NELL1: variants seen among roughly 807,000 people sequenced by gnomAD.
NELL1 encodes protein kinase C-binding protein NELL1.
Under a neutral mutation model 107.4 loss-of-function variants are expected in NELL1, and 76 were observed. The observed-to-expected ratio is 0.71, with a 90% CI of 0.59 to 0.86. NELL1 has a LOEUF of 0.86. NELL1 is among the 40% of genes least tolerant of loss of function. The pLI is 0.00. For synonymous variants in NELL1, 353 were observed against 341.2 expected, an observed-to-expected ratio of 1.03 and a Z score of -0.38; for missense variants, 1,024 against 1,005.5, an observed-to-expected ratio of 1.02 and a Z score of -0.25.
intron 2 of NELL1, among the ~76,000 whole-genome samples, chr11:20,731,417 A>AG (rs1480651979): frequency 1.3e-5 from 2 of 149,378 alleles, no homozygotes; most frequent in African/African-American, 2.4e-5. Flanking sequence ...CTAGCAATAA[A>AG]GAACTGGAGC....
chr11:20,880,374 A>G (rs541949861), intron 4 of NELL1, among the ~76,000 whole-genome samples: 1 of 152,334 alleles, frequency 6.6e-6, no homozygotes, highest in East Asian at 1.9e-4. Flanking sequence ...ACTAAGTGCC[A>G]AGGGCATGTA....
At chr11:21,011,054 A>ACAGACATTTTCTAGCTTTATTTC (rs1436587492) in intron 12 of NELL1, among the ~76,000 whole-genome samples, 5 of 152,134 alleles carry the variant, frequency 3.3e-5, no homozygotes, top group Non-Finnish European at 5.9e-5. Flanking sequence ...TCAAACATTT[A>ACAGACATTTTCTAGCTTTATTTC]CAGACATTTT....
intron 14 of NELL1, among the ~76,000 whole-genome samples, chr11:21,277,186 TCAAA>T (rs1171329836): frequency 2.0e-5 from 3 of 151,888 alleles, no homozygotes; most frequent in Non-Finnish European, 4.4e-5. Flanking sequence ...TACAATGAAC[TCAAA>T]CAAATCTACA....
intron 15 of NELL1, among the ~76,000 whole-genome samples, chr11:21,502,148 A>G (rs947543149): frequency 1.3e-5 from 2 of 152,178 alleles, no homozygotes; most frequent in Admixed American, 6.5e-5. Flanking sequence ...GAGGTAAAAG[A>G]TTGTATGATT....
chr11:20,825,183 GCACA>G lies in NELL1; in HGVS notation c.336-22399_336-22396del, dbSNP rs1328430124. 2.6e-5 allele frequency among the ~76,000 whole-genome samples: 4 copies of G among 151,354 alleles called. No homozygotes were observed. In the Admixed American group the frequency reaches 2.7e-4, roughly 10 times the overall value. Reference sequence around the variant, plus strand: ...TGTATGGCAATGCCTGCTTATCCAAGCACAGTTTGCTGTACGGACAAAACTCTCA... The same window carrying G: ...TGTATGGCAATGCCTGCTTATCCAAGGTTTGCTGTACGGACAAAACTCTCA... On this transcript the variant is annotated intron_variant, in intron 3 of 19. Transcript: ENST00000357134.
At chr11:20,714,474 C>A (rs1855192382) in intron 2 of NELL1, among the ~76,000 whole-genome samples, 1 of 151,858 alleles carries the variant, frequency 6.6e-6, no homozygotes, top group South Asian at 2.1e-4. Context: ...TCCCTAAGTG[C>A]TGGGATTACA....
intron 14 of NELL1, among the ~76,000 whole-genome samples, chr11:21,279,406 C>G (rs1284563678): frequency 6.6e-6 from 1 of 152,160 alleles, no homozygotes; most frequent in Admixed American, 6.6e-5. Context: ...ACAAAGAACT[C>G]TTTAAACTGA....
chr11:20,829,376 G>A (rs187850888), intron 3 of NELL1, among the ~76,000 whole-genome samples: 73 of 151,904 alleles, frequency 4.8e-4, no homozygotes, highest in Admixed American at 1.7e-3. Context: ...ACAGGCACCC[G>A]CCACCACACC....
chr11:21,360,511 T>C (rs1851051537), intron 14 of NELL1, among the ~76,000 whole-genome samples: 1 of 152,184 alleles, frequency 6.6e-6, no homozygotes, highest in African/African-American at 2.4e-5. Flanking sequence ...GTCCATTTGT[T>C]CTAGGGTATA....
At chr11:20,708,497 GT>G (rs1828499345) in intron 2 of NELL1, among the ~76,000 whole-genome samples, 1 of 151,992 alleles carries the variant, frequency 6.6e-6, no homozygotes, top group African/African-American at 2.4e-5. Context: ...TTTTTTTAAT[GT>G]TTTTTGGCCA....
At chr11:20,787,772 C>T (rs1239445557) in intron 3 of NELL1, among the ~76,000 whole-genome samples, 1 of 152,138 alleles carries the variant, frequency 6.6e-6, no homozygotes, top group Non-Finnish European at 1.5e-5. Context: ...AGTATAATCA[C>T]AGAATTGTGC....
At chr11:21,459,934 C>T (rs1278501587) in intron 15 of NELL1, among the ~76,000 whole-genome samples, 3 of 151,990 alleles carry the variant, frequency 2.0e-5, no homozygotes, top group African/African-American at 7.2e-5. Context: ...GAAGGATTTT[C>T]TTGGAGAAGA....
Position 20,892,946 on chromosome 11 carries a change from AAC to A in NELL1, c.603+7408_603+7409del, listed in dbSNP as rs1221777624. Among the ~76,000 whole-genome samples, 657 of 150,818 alleles carry A rather than the reference AAC, an allele frequency of 4.4e-3. 5 individuals carry two copies. The highest frequency in any genetic ancestry group is 0.015 in the African/African-American group (623 of 40,354). On this transcript the variant is annotated intron_variant, in intron 5 of 19. Transcript: ENST00000357134. Reference sequence around the variant, plus strand: ...TGTGTCTCAAAAAAAAAAAAAAAAAAACAGACACATGTACATGTATGTTTATT... The same window carrying A: ...TGTGTCTCAAAAAAAAAAAAAAAAAAAGACACATGTACATGTATGTTTATT...
chr11:21,172,705 G>A (rs7948578), intron 13 of NELL1, among the ~76,000 whole-genome samples: 68,716 of 151,296 alleles, frequency 0.45, 16,129 homozygotes, highest in Middle Eastern at 0.5. Context: ...AGTATTTACC[G>A]TATGCCACAC....
chr11:21,450,794 T>C (rs978310965), intron 15 of NELL1, among the ~76,000 whole-genome samples: 7 of 152,096 alleles, frequency 4.6e-5, no homozygotes, highest in African/African-American at 1.7e-4. Context: ...AGTCCCTTTC[T>C]TAACATTAAT....
In NELL1 at chr11:20,857,200, C is replaced by T. The variant is rs550825846; in HGVS notation, c.506+9447C>T. 2.8e-4 allele frequency among the ~76,000 whole-genome samples: 42 copies of T among 152,190 alleles called. 1 individual carries two copies. The South Asian group carries it at 7.7e-3, about 28-fold the overall frequency. Reference sequence around the variant, plus strand: ...GGGAATGCAGCTGTAAGCATGGGAGCGGCAGGAGCTGCAGAACCAGAGCAG... The same window carrying T: ...GGGAATGCAGCTGTAAGCATGGGAGTGGCAGGAGCTGCAGAACCAGAGCAG... On this transcript the variant is annotated intron_variant, in intron 4 of 19. Coordinates refer to ENST00000357134, the MANE Select transcript of NELL1 (RefSeq NM_006157.5).
At chr11:20,887,965 AT>A (rs1399048036) in intron 5 of NELL1, among the ~76,000 whole-genome samples, 7 of 151,822 alleles carry the variant, frequency 4.6e-5, no homozygotes, top group Admixed American at 2.0e-4. Context: ...CAGGTAAAGA[AT>A]TTTTTTTTAA....
At chr11:21,093,120 G>T (rs1854558930) in intron 12 of NELL1, among the ~76,000 whole-genome samples, 1 of 152,002 alleles carries the variant, frequency 6.6e-6, no homozygotes, top group Admixed American at 6.5e-5. Context: ...GATTTCTTTG[G>T]TGTAAATATT....
At chr11:21,067,270 A>T (rs1195090877) in intron 12 of NELL1, among the ~76,000 whole-genome samples, 1 of 152,210 alleles carries the variant, frequency 6.6e-6, no homozygotes, top group Non-Finnish European at 1.5e-5. Flanking sequence ...AAAGGAAATG[A>T]TTAGGAGAAA....
Sources: gnomAD v4.1 joint callset for allele counts (sites outside exome capture counted in the v4.1 genomes callset) on GRCh38, gnomAD v4.1.1 for gene constraint, MANE v1.5 for transcripts, NCBI Gene and HGNC (gene_info 2026-07-23, HGNC 2026-07-21) for gene names.